Variants in COL6A5 observed in about 807,000 individuals in gnomAD.
The protein encoded by COL6A5 is collagen type VI alpha 5 chain.
A neutral mutation model predicts 65.6 loss-of-function variants in COL6A5; 48 were observed. The ratio of observed to expected loss-of-function variants is 0.73; its 90% confidence interval spans 0.58 to 0.93. The LOEUF is 0.93. COL6A5 is among the 40% of genes least tolerant of loss of function. COL6A5 has a pLI of 0.00. For missense variants in COL6A5, 914 were observed against 928.3 expected (o/e 0.98, Z 0.20); for synonymous variants, 291 against 322.8 (o/e 0.90, Z 1.05).
chr3:130,462,232 A>C (rs577730412), intron 5 of COL6A5, among the ~76,000 whole-genome samples: 1 of 152,188 alleles, frequency 6.6e-6, no homozygotes, highest in South Asian at 2.1e-4. Flanking sequence ...TTGACCAGTG[A>C]CTTTACCAGA....
chr3:130,368,531 G>C (rs1005866752), intron 1 of COL6A5, among the ~76,000 whole-genome samples: 8 of 149,072 alleles, frequency 5.4e-5, no homozygotes, highest in Admixed American at 3.4e-4. Context: ...GTGTATGTGT[G>C]AGTGTGTGTG....
At chr3:130,484,752 G>T in exon 8 of COL6A5, 1 of 398,900 alleles carries the variant, frequency 2.5e-6, no homozygotes, top group Non-Finnish European at 4.4e-6. Flanking sequence ...AAGAATTACG[G>T]AAAAGCACAG....
In COL6A5 at chr3:130,379,407, T is replaced by C; in HGVS notation, c.668-11T>C. 1 of 1,545,648 alleles carries C rather than the reference T, an allele frequency of 6.5e-7. No homozygotes were observed. The highest frequency in any genetic ancestry group is 8.7e-7 in the Non-Finnish European group (1 of 1,143,590). On this transcript the variant is annotated splice_polypyrimidine_tract_variant and intron_variant and NMD_transcript_variant, in intron 3 of 41. Coordinates refer to the COL6A5 transcript ENST00000312481. ...TTTATACTAATCCTCACACATTTTC[T>C]GTCTGCATAGTTCACTTCCCCATAT...
chr3:130,469,266 T>C (rs1709891811), exon 6 of COL6A5: 1 of 1,613,046 alleles, frequency 6.2e-7, no homozygotes, highest in Non-Finnish European at 8.5e-7. Context: ...ACCAACTCTT[T>C]AGACAAAGAC....
At chr3:130,364,647 C>T (rs113065894) in intron 1 of COL6A5, among the ~76,000 whole-genome samples, 21 of 152,228 alleles carry the variant, frequency 1.4e-4, no homozygotes, top group African/African-American at 4.8e-4. Context: ...TTAAGAAAAG[C>T]GCAAAGTCCT....
chr3:130,353,333 G>A (rs1934790783), intron 1 of COL6A5, among the ~76,000 whole-genome samples: 1 of 152,312 alleles, frequency 6.6e-6, no homozygotes, highest in East Asian at 1.9e-4. Context: ...GTACGGGTCT[G>A]ATGCGAAAAT....
chr3:130,464,069 A>G (rs1709760311), intron 5 of COL6A5, among the ~76,000 whole-genome samples: 1 of 152,102 alleles, frequency 6.6e-6, no homozygotes, highest in African/African-American at 2.4e-5. Flanking sequence ...GCAGAAAACA[A>G]TATTTCACTG....
At chr3:130,371,816 C>T (rs1177209147) in intron 1 of COL6A5, among the ~76,000 whole-genome samples, 2 of 151,984 alleles carry the variant, frequency 1.3e-5, no homozygotes, top group Non-Finnish European at 2.9e-5. Context: ...AAACAAAAAA[C>T]CTCATATAAA....
chr3:130,439,380 A>C (rs1709114967), intron 1 of COL6A5, 142 bp from the exon 34 acceptor site: 2 of 528,876 alleles, frequency 3.8e-6, no homozygotes, highest in Non-Finnish European at 6.8e-6. Context: ...TGTGTGTGTG[A>C]ACATGCACTG....
chr3:130,462,630 G>A (rs1709727052), intron 5 of COL6A5, among the ~76,000 whole-genome samples: 1 of 152,058 alleles, frequency 6.6e-6, no homozygotes, highest in Admixed American at 6.6e-5. Flanking sequence ...GAAAACTCAA[G>A]GTCACAAAGT....
intron 1 of COL6A5, among the ~76,000 whole-genome samples, chr3:130,366,393 C>T (rs971467407): frequency 3.3e-5 from 5 of 152,114 alleles, no homozygotes; most frequent in Non-Finnish European, 5.9e-5. Context: ...TTCTGAGAGG[C>T]CCACACCTTG....
chr3:130,473,999 A>C (rs1176212105), intron 7 of COL6A5, among the ~76,000 whole-genome samples: 1 of 152,098 alleles, frequency 6.6e-6, no homozygotes, highest in African/African-American at 2.4e-5. Flanking sequence ...ACTTGTAATG[A>C]CATCTCAAGT....
rs528514040 is a variant in COL6A5 at position 130,395,467 on chromosome 3, T to G, written c.3568+2T>G. The G allele has an allele frequency of 6.5e-7, 1 of 1,531,856 alleles. No individual in the cohort carries two copies. The highest frequency in any genetic ancestry group is 8.8e-7 in the Non-Finnish European group (1 of 1,141,524). 94.9% of individuals were successfully genotyped at this position (1,531,856 alleles called of 1,614,324 possible). A position where few individuals can be genotyped will look rare whatever the true frequency, so the allele number is the denominator to read the frequency against. On this transcript the variant is annotated splice_donor_variant and NMD_transcript_variant, in intron 8 of 41. Coordinates refer to the COL6A5 transcript ENST00000312481. ...TCTGCCAGAGCTGTGGGAAAACCAG[T>G]AAGTGCTTCTTGTTTGGTTTTCTTC...
rs115699963 is a variant in COL6A5, at chr3:130,436,909, A to G, written c.488-2613A>G. Among the ~76,000 whole-genome samples, 193 of 152,212 alleles carry G rather than the reference A, an allele frequency of 1.3e-3. 1 individual carries two copies. Among genetic ancestry groups the G allele is most frequent in the African/African-American group, 4.3e-3 (177 of 41,552 alleles). ...TTTAAATGTCCTCAATGATATGTCTATCTCTCATCCAGACTGCATCCTTGA... is the reference window on the plus strand; with the variant it reads ...TTTAAATGTCCTCAATGATATGTCTGTCTCTCATCCAGACTGCATCCTTGA... On this transcript the variant is annotated intron_variant, in intron 1 of 7. Coordinates refer to ENST00000512836, the Ensembl canonical transcript of COL6A5.
chr3:130,475,779 A>G (rs1022845421), intron 7 of COL6A5, among the ~76,000 whole-genome samples: 1 of 152,134 alleles, frequency 6.6e-6, no homozygotes, highest in African/African-American at 2.4e-5. Flanking sequence ...GGTGAGCACC[A>G]GACACAGCTT....
chr3:130,434,444 A>G (rs1448733969), intron 1 of COL6A5, among the ~76,000 whole-genome samples: 1 of 152,206 alleles, frequency 6.6e-6, no homozygotes, highest in Non-Finnish European at 1.5e-5. Flanking sequence ...GCCTTTGGAT[A>G]TACACCCAGT....
intron 7 of COL6A5, chr3:130,477,365 G>GT: frequency 3.5e-6 from 1 of 289,152 alleles, no homozygotes; most frequent in Non-Finnish European, 6.4e-6. Flanking sequence ...TTTTGTTCAT[G>GT]TTTTGTTTTC....
At chr3:130,461,982 C>T (rs1444970058) in intron 5 of COL6A5, among the ~76,000 whole-genome samples, 4 of 151,760 alleles carry the variant, frequency 2.6e-5, no homozygotes, top group African/African-American at 9.7e-5. Flanking sequence ...CTAAATGCCA[C>T]CTAGAAAAGT....
intron 4 of COL6A5, among the ~76,000 whole-genome samples, chr3:130,447,915 C>T (rs930741633): frequency 6.6e-6 from 1 of 152,154 alleles, no homozygotes. Context: ...AGGAACCACC[C>T]AAGATGTCAT....
Sources: gnomAD v4.1 joint callset for allele counts (sites outside exome capture counted in the v4.1 genomes callset) on GRCh38, gnomAD v4.1.1 for gene constraint, MANE v1.5 for transcripts, NCBI Gene and HGNC (gene_info 2026-07-23, HGNC 2026-07-21) for gene names.